Variants in THAP8 observed in about 807,000 individuals in gnomAD.
THAP8 encodes the protein THAP domain-containing protein 8.
A neutral mutation model predicts 25.0 loss-of-function variants in THAP8; 24 were observed. The ratio of observed to expected loss-of-function variants is 0.96; its 90% confidence interval spans 0.69 to 1.35. THAP8 has a LOEUF of 1.35. THAP8 is among the 40% of genes most tolerant of loss of function. The probability of loss-of-function intolerance (pLI) is 0.00; values close to 1 mark genes in which losing one functional copy is unlikely to be tolerated. For synonymous variants in THAP8, 169 were observed against 157.6 expected (o/e 1.07, Z -0.54); for missense variants, 399 against 368.8 (o/e 1.08, Z -0.67).
intron 1 of THAP8, among the ~76,000 whole-genome samples, chr19:36,045,088 T>A (rs1046786707): frequency 6.6e-6 from 1 of 151,988 alleles, no homozygotes; most frequent in African/African-American, 2.4e-5. Flanking sequence ...TTTATTTATT[T>A]ATTTAATTTA....
chr19:36,046,339 T>C lies in THAP8; in HGVS notation c.84-6203A>G, dbSNP rs375512001. ...GTAAGTCCATTAAACCTCTTTCCTT[T>C]ATGAATTACTCAGTCTCAGGTAGTT... On this transcript the variant is annotated intron_variant, in intron 1 of 3. Transcript: ENST00000292894. 2.0e-4 allele frequency among the ~76,000 whole-genome samples: 31 copies of C among 152,338 alleles called. No homozygotes were observed. In the East Asian group the frequency reaches 5.8e-3, roughly 28 times the overall value.
At chr19:36,042,596 A>T (rs959564974) in intron 1 of THAP8, among the ~76,000 whole-genome samples, 3 of 152,208 alleles carry the variant, frequency 2.0e-5, no homozygotes, top group African/African-American at 7.2e-5. Flanking sequence ...ACATTACTGC[A>T]CTCTAGCCTG....
Position 36,048,841 on chromosome 19 carries a change from T to TAAA in THAP8, c.83+5291_83+5293dup, listed in dbSNP as rs1204599378. Among the ~76,000 whole-genome samples, 190 of 83,740 alleles carry TAAA rather than the reference T, an allele frequency of 2.3e-3. 2 individuals are homozygous for TAAA. Among genetic ancestry groups the TAAA allele is most frequent in the Middle Eastern group, 0.014 (2 of 146 alleles). The allele number at this position is 83,740 out of a possible 152,430, so 54.9% of individuals were successfully genotyped here. A position where few individuals can be genotyped will look rare whatever the true frequency, so the allele number is the denominator to read the frequency against. ...GCCCAGGTGATAAAGACCCCTTCTT[T>TAAA]AAAAAAAAAAAAAAACAAAAAAACA... On this transcript the variant is annotated intron_variant, in intron 1 of 3. Coordinates refer to ENST00000292894, the MANE Select transcript of THAP8 (RefSeq NM_152658.3).
intron 3 of THAP8, 103 bp from the exon 4 acceptor site, chr19:36,035,695 C>A: frequency 7.4e-7 from 1 of 1,350,996 alleles, no homozygotes; most frequent in Non-Finnish European, 1.0e-6. Flanking sequence ...GGCAGGAGGG[C>A]GTGTCAGGAA....
At chr19:36,051,811 C>A (rs1471401719) in intron 1 of THAP8, among the ~76,000 whole-genome samples, 1 of 152,084 alleles carries the variant, frequency 6.6e-6, no homozygotes, top group African/African-American at 2.4e-5. Flanking sequence ...CAGTCTATGG[C>A]CTGTTAGGAA....
chr19:36,039,819 G>T, intron 2 of THAP8, 101 bp from the exon 3 acceptor site: 1 of 1,539,948 alleles, frequency 6.5e-7, no homozygotes, highest in Non-Finnish European at 8.7e-7. Context: ...GCCTAGGTAA[G>T]GCCAGACCTC....
intron 1 of THAP8, among the ~76,000 whole-genome samples, chr19:36,049,615 A>T (rs1308389966): frequency 6.6e-6 from 1 of 152,192 alleles, no homozygotes; most frequent in Non-Finnish European, 1.5e-5. Flanking sequence ...GCCAATGAAG[A>T]CATGAAGTGA....
intron 1 of THAP8, among the ~76,000 whole-genome samples, chr19:36,042,190 G>A (rs12976505): frequency 0.29 from 43,449 of 151,982 alleles, 6,489 homozygotes; most frequent in Non-Finnish European, 0.33. Flanking sequence ...AATGTAAAAC[G>A]GTGCTGCCAC....
intron 2 of THAP8, 59 bp from the exon 3 acceptor site, chr19:36,039,777 AG>A: frequency 6.7e-7 from 1 of 1,486,798 alleles, no homozygotes; most frequent in Non-Finnish European, 9.0e-7. Context: ...TCAGGAGGAA[AG>A]GGATGGAGGG....
intron 1 of THAP8, among the ~76,000 whole-genome samples, chr19:36,041,278 C>T (rs1969684679): frequency 1.3e-5 from 2 of 150,524 alleles, no homozygotes; most frequent in Non-Finnish European, 2.9e-5. Flanking sequence ...CGCAACTGTA[C>T]TCCAGCCTGG....
chr19:36,039,871 C>T, intron 2 of THAP8, 73 bp downstream of exon 2: 1 of 1,602,584 alleles, frequency 6.2e-7, no homozygotes, highest in Non-Finnish European at 8.5e-7. Context: ...AAAGTTCAGA[C>T]TCAAGGAGGG....
intron 1 of THAP8, among the ~76,000 whole-genome samples, chr19:36,053,452 G>A (rs1203692505): frequency 6.6e-6 from 1 of 150,898 alleles, no homozygotes; most frequent in Non-Finnish European, 1.5e-5. Context: ...CTACTTGGTA[G>A]GGTGAGGTGG....
rs553362785 is a variant in THAP8, at chr19:36,053,036, A to G, written c.83+1099T>C. Among the ~76,000 whole-genome samples, 12 of 152,244 alleles carry G rather than the reference A, an allele frequency of 7.9e-5. No homozygotes were observed. The South Asian group carries it at 2.5e-3, about 32-fold the overall frequency. On this transcript the variant is annotated intron_variant, in intron 1 of 3. Coordinates refer to ENST00000292894, the MANE Select transcript of THAP8 (RefSeq NM_152658.3). ...CCAGGAGTTTGAGACTAGACTGGAC[A>G]ACATAGGGTGATCCCATCTCTCTCT...
At chr19:36,041,016 G>A (rs1028612848) in intron 1 of THAP8, among the ~76,000 whole-genome samples, 1 of 151,956 alleles carries the variant, frequency 6.6e-6, no homozygotes, top group Non-Finnish European at 1.5e-5. Flanking sequence ...TAAGATAATT[G>A]TAAGAAACTG....
At position 36,054,165 on chromosome 19, in the gene THAP8, C is replaced by A; in HGVS notation, c.53G>T (p.Gly18Val). Residue 18 changes from glycine to valine, a missense_variant, in exon 1 of 4, where the codon GGT becomes GTT. Physicochemically the swap from Gly to Val is moderately radical, Grantham distance 109. Coordinates refer to ENST00000292894, the MANE Select transcript of THAP8 (RefSeq NM_152658.3). ...PNCSNTAGRL[G>V]ADNRPVSFYK... ...GAAGCTCACAGGGCGGTTGTCTGCA[C>A]CCAGGCGGCCCGCAGTGTTGGAGCA... The A allele has an allele frequency of 6.2e-7, 1 of 1,614,018 alleles. No homozygotes were observed. Among genetic ancestry groups the A allele is most frequent in the African/African-American group, 1.3e-5 (1 of 75,052 alleles).
chr19:36,044,873 A>T (rs988216249), intron 1 of THAP8, among the ~76,000 whole-genome samples: 5 of 152,200 alleles, frequency 3.3e-5, no homozygotes, highest in African/African-American at 1.2e-4. Flanking sequence ...GAGGGTAAAC[A>T]TAGGCACATC....
intron 1 of THAP8, among the ~76,000 whole-genome samples, chr19:36,042,098 G>T (rs1037725432): frequency 6.6e-6 from 1 of 150,592 alleles, no homozygotes; most frequent in Non-Finnish European, 1.5e-5. Flanking sequence ...GGGGGAGGGA[G>T]TAAGAGGGGG....
intron 1 of THAP8, 91 bp downstream of exon 1, chr19:36,054,044 G>T: frequency 1.4e-6 from 2 of 1,434,536 alleles, no homozygotes; most frequent in South Asian, 1.2e-5. Context: ...CCTCAAGCAA[G>T]ACCAGAAGCC....
intron 3 of THAP8, among the ~76,000 whole-genome samples, chr19:36,037,861 A>C (rs2145428061): frequency 6.6e-6 from 1 of 152,026 alleles, no homozygotes; most frequent in South Asian, 2.1e-4. Context: ...GCTGGTCTCG[A>C]ACTCCTGACC....
Sources: allele counts gnomAD v4.1 joint callset (sites outside exome capture counted in the v4.1 genomes callset), GRCh38; gene constraint gnomAD v4.1.1; transcripts MANE v1.5; gene names NCBI Gene and HGNC (gene_info 2026-07-23, HGNC 2026-07-21).